Variants in FNDC3B observed in about 807,000 individuals in gnomAD.
FNDC3B encodes the protein fibronectin type III domain-containing protein 3B.
FNDC3B carries 12 observed loss-of-function variants against 151.5 expected under a neutral mutation model. The observed-to-expected ratio is 0.08, with a 90% CI of 0.05 to 0.13. The LOEUF is 0.13. Among genes scored for constraint, FNDC3B ranks in the 10% least tolerant of loss-of-function variants. The probability of loss-of-function intolerance (pLI) is 1.00; values close to 1 mark genes in which losing one functional copy is unlikely to be tolerated. For synonymous variants in FNDC3B, 528 were observed against 549.0 expected (o/e 0.96, Z 0.54); for missense variants, 1,214 against 1,505.3 (o/e 0.81, Z 3.20).
intron 3 of FNDC3B, among the ~76,000 whole-genome samples, chr3:172,165,398 A>C (rs1378037991): frequency 6.6e-6 from 1 of 152,192 alleles, no homozygotes; most frequent in Non-Finnish European, 1.5e-5. Context: ...ATGGAGAGGG[A>C]GTAGTTTCAA....
At chr3:172,156,285 G>A (rs932105625) in intron 3 of FNDC3B, among the ~76,000 whole-genome samples, 24 of 152,184 alleles carry the variant, frequency 1.6e-4, no homozygotes, top group African/African-American at 1.7e-4. Flanking sequence ...ATAGAACTAA[G>A]GCTGTCATTT....
chr3:172,229,397 C>G (rs1227738581), intron 4 of FNDC3B, among the ~76,000 whole-genome samples: 1 of 152,176 alleles, frequency 6.6e-6, no homozygotes, highest in Non-Finnish European at 1.5e-5. Context: ...AATTTCTGTT[C>G]CCTAGATACC....
intron 3 of FNDC3B, among the ~76,000 whole-genome samples, chr3:172,197,189 AT>A (rs1648500480): frequency 6.6e-6 from 1 of 152,140 alleles, no homozygotes; most frequent in African/African-American, 2.4e-5. Flanking sequence ...TCAAAATAAA[AT>A]AAAATAAAAT....
At chr3:172,117,487 T>G (rs1720320908) in intron 2 of FNDC3B, among the ~76,000 whole-genome samples, 1 of 152,220 alleles carries the variant, frequency 6.6e-6, no homozygotes. Flanking sequence ...AATTCTGACT[T>G]TTTATTGATT....
chr3:172,287,351 C>T (rs761886963), intron 7 of FNDC3B, among the ~76,000 whole-genome samples: 3 of 152,184 alleles, frequency 2.0e-5, no homozygotes, highest in Admixed American at 6.6e-5. Context: ...ATACAGCGGG[C>T]GGTCGCAAAT....
At chr3:172,341,298 A>G (rs112508798) in intron 17 of FNDC3B, 67 bp downstream of exon 17, 2 of 1,110,850 alleles carry the variant, frequency 1.8e-6, no homozygotes, top group South Asian at 2.5e-5. Flanking sequence ...CTATAACATC[A>G]GAAGCAAATT....
intron 1 of FNDC3B, among the ~76,000 whole-genome samples, chr3:172,067,374 G>A (rs1233545644): frequency 6.6e-6 from 1 of 152,164 alleles, no homozygotes; most frequent in East Asian, 1.9e-4. Flanking sequence ...GTGGAGATGA[G>A]TTTGTCTGGC....
chr3:172,088,043 AGAACCAG>A (rs1469875425), intron 1 of FNDC3B, among the ~76,000 whole-genome samples: 1 of 152,208 alleles, frequency 6.6e-6, no homozygotes, highest in Non-Finnish European at 1.5e-5. Flanking sequence ...TCATATGCTT[AGAACCAG>A]GAAATTGCCT....
intron 4 of FNDC3B, among the ~76,000 whole-genome samples, chr3:172,236,678 A>G (rs1055499073): frequency 2.0e-5 from 3 of 152,094 alleles, no homozygotes; most frequent in South Asian, 2.1e-4. Flanking sequence ...CTCTTTGCCC[A>G]TGGGATTCTC....
In FNDC3B at chr3:172,352,803, G is replaced by A; in HGVS notation, c.2515G>A (p.Ala839Thr). 2 of 1,612,816 alleles carry A rather than the reference G, an allele frequency of 1.2e-6. No individual in the cohort carries two copies. Among genetic ancestry groups the A allele is most frequent in the Non-Finnish European group, 1.7e-6 (2 of 1,179,676 alleles). Residue 839 changes from alanine (A) to threonine (T), a missense_variant and splice_region_variant, in exon 22 of 26, where the codon GCC becomes ACC. Ala to Thr is a moderately conservative substitution (Grantham distance 58). This residue lies in a region of FNDC3B where 380 missense variants were observed against 420.9 expected (regional missense o/e 0.90). Coordinates refer to ENST00000415807, the MANE Select transcript of FNDC3B (RefSeq NM_022763.4). The surrounding 1 kb of genome is among the most constrained non-coding windows in gnomAD (Gnocchi z 4.2). The part of the protein sequence containing the change: ...PAAQYCCRLQ[A>T]FNQAGAGPYS... ...TTTGTCTTGCTGTTCTGTTTTGTAG[G>A]CCTTCAATCAAGCAGGGGCAGGGCC...
At chr3:172,357,779 A>G (rs1310127150) in intron 22 of FNDC3B, among the ~76,000 whole-genome samples, 3 of 152,154 alleles carry the variant, frequency 2.0e-5, no homozygotes, top group South Asian at 2.1e-4. Context: ...ATTAGAAATA[A>G]TTAATGTTAG....
intron 6 of FNDC3B, among the ~76,000 whole-genome samples, chr3:172,270,838 CTT>C (rs148961708): frequency 6.6e-6 from 1 of 152,300 alleles, no homozygotes; most frequent in African/African-American, 2.4e-5. Context: ...TTTTATAAGA[CTT>C]GGGTTAAAAT....
chr3:172,387,128 T>C (rs1735759007), intron 25 of FNDC3B, among the ~76,000 whole-genome samples: 1 of 152,312 alleles, frequency 6.6e-6, no homozygotes, highest in East Asian at 1.9e-4. Flanking sequence ...GGCTAATTTT[T>C]GTATTTTTAG....
intron 23 of FNDC3B, among the ~76,000 whole-genome samples, chr3:172,372,260 A>G (rs769614455): frequency 3.2e-4 from 49 of 152,182 alleles, no homozygotes; most frequent in Non-Finnish European, 4.9e-4. Context: ...AGCCTGGGTC[A>G]TGGAGCTGAT....
intron 2 of FNDC3B, among the ~76,000 whole-genome samples, chr3:172,123,022 CTT>C (rs749627523): frequency 6.6e-6 from 1 of 152,248 alleles, no homozygotes; most frequent in Non-Finnish European, 1.5e-5. Context: ...TGTTACATGA[CTT>C]TTAGTTTTCA....
intron 3 of FNDC3B, among the ~76,000 whole-genome samples, chr3:172,204,046 C>T (rs1210090371): frequency 6.6e-6 from 1 of 152,204 alleles, no homozygotes; most frequent in Non-Finnish European, 1.5e-5. Flanking sequence ...CTGATGTTTG[C>T]TGAGTGGATG....
chr3:172,372,443 A>G (rs1560104704), intron 23 of FNDC3B, among the ~76,000 whole-genome samples: 1 of 152,188 alleles, frequency 6.6e-6, no homozygotes, highest in Non-Finnish European at 1.5e-5. Flanking sequence ...TATTGAGCAT[A>G]TGGTATGTTC....
chr3:172,328,672 CTTTT>C (rs1419562049), intron 11 of FNDC3B, among the ~76,000 whole-genome samples: 1 of 152,052 alleles, frequency 6.6e-6, no homozygotes, highest in African/African-American at 2.4e-5. Flanking sequence ...CTGAAAGGAC[CTTTT>C]TTTATTTTAT....
At chr3:172,169,989 C>A (rs1412735302) in intron 3 of FNDC3B, among the ~76,000 whole-genome samples, 1 of 152,156 alleles carries the variant, frequency 6.6e-6, no homozygotes, top group Non-Finnish European at 1.5e-5. Context: ...GGTTTCTGTC[C>A]CGTCCTCTGC....
Sources: gnomAD v4.1 joint callset for allele counts (sites outside exome capture counted in the v4.1 genomes callset) on GRCh38, gnomAD v4.1.1 for gene constraint, gnomAD v4.1.1 regional missense constraint, Gnocchi (gnomAD v3.1) non-coding constraint, MANE v1.5 for transcripts, NCBI Gene and HGNC (gene_info 2026-07-23, HGNC 2026-07-21) for gene names.